PDK1: variants seen among roughly 807,000 people sequenced by gnomAD.
PDK1 encodes the protein pyruvate dehydrogenase kinase 1.
Under a neutral mutation model 54.2 loss-of-function variants are expected in PDK1, and 39 were observed. That is an observed-to-expected ratio of 0.72 (90% confidence interval 0.56 to 0.94). The LOEUF (loss-of-function observed/expected upper bound fraction) is 0.94, where lower values mean the gene tolerates loss of function less well. Ranked by LOEUF, PDK1 falls within the 40% of genes least tolerant of loss-of-function variation. PDK1 has a pLI of 0.00. For synonymous variants in PDK1, 221 were observed against 207.1 expected, an observed-to-expected ratio of 1.07 and a Z score of -0.58; for missense variants, 552 against 566.0, an observed-to-expected ratio of 0.98 and a Z score of 0.25.
chr2:172,712,536 T>G, the PDK1 span, among the ~76,000 whole-genome samples: 1 of 152,088 alleles, frequency 6.6e-6, no homozygotes, highest in African/African-American at 2.4e-5. Context: ...TGCGGTGGGG[T>G]GGGCAGTTCC....
At chr2:172,706,318 T>C in the PDK1 span, among the ~76,000 whole-genome samples, 1 of 152,184 alleles carries the variant, frequency 6.6e-6, no homozygotes, top group Non-Finnish European at 1.5e-5. Flanking sequence ...CTAGTGTGTT[T>C]GTAATTGCTT....
chr2:172,670,061 A>C, the PDK1 span, among the ~76,000 whole-genome samples: 17 of 152,240 alleles, frequency 1.1e-4, no homozygotes, highest in East Asian at 1.4e-3. Context: ...TTTAAAAAAA[A>C]AATTATTTAG....
At chr2:172,713,832 C>A in the PDK1 span, among the ~76,000 whole-genome samples, 1 of 152,196 alleles carries the variant, frequency 6.6e-6, no homozygotes, top group Non-Finnish European at 1.5e-5. Context: ...GTTCCCGGCT[C>A]CCCCGGCTCC....
At chr2:172,719,918 CTTA>C in the PDK1 span, among the ~76,000 whole-genome samples, 1 of 152,116 alleles carries the variant, frequency 6.6e-6, no homozygotes, top group Admixed American at 6.5e-5. Context: ...ATCTTATTGT[CTTA>C]TTATTTTTGA....
At chr2:172,643,578 G>A in the PDK1 span, among the ~76,000 whole-genome samples, 1 of 152,122 alleles carries the variant, frequency 6.6e-6, no homozygotes, top group East Asian at 1.9e-4. Context: ...ATCTTCCTGG[G>A]GACAGGCCAC....
chr2:172,570,787 T>G lies in PDK1; in HGVS notation c.908T>G (p.Val303Gly), dbSNP rs758613186. Reference protein sequence around the residue: ...ANRGVYPPIQVHVTLGNEDLT... With the variant: ...ANRGVYPPIQGHVTLGNEDLT... Reference sequence around the variant, plus strand: ...AGAGGTGTTTACCCCCCTATTCAAGTTCATGTCACGCTGGGTAATGAGGAT... The same window carrying G: ...AGAGGTGTTTACCCCCCTATTCAAGGTCATGTCACGCTGGGTAATGAGGAT... Residue 303 changes from valine to glycine, a missense_variant, in exon 8 of 11, where the codon GTT becomes GGT. Coordinates refer to ENST00000282077, the MANE Select transcript of PDK1 (RefSeq NM_002610.5). 2.5e-6 allele frequency: 4 copies of G among 1,611,614 alleles called. No homozygotes were observed. The highest frequency in any genetic ancestry group is 3.4e-6 in the Non-Finnish European group (4 of 1,177,838).
At chr2:172,680,346 T>C in the PDK1 span, among the ~76,000 whole-genome samples, 1 of 152,056 alleles carries the variant, frequency 6.6e-6, no homozygotes, top group Non-Finnish European at 1.5e-5. Flanking sequence ...CTTTCTTTCT[T>C]TCTTTTCTTT....
At chr2:172,724,120 T>A in the PDK1 span, 1 of 152,238 alleles carries the variant, frequency 6.6e-6, no homozygotes, top group Non-Finnish European at 1.5e-5. Flanking sequence ...AGATTCCTAA[T>A]AAATAATACT....
the PDK1 span, among the ~76,000 whole-genome samples, chr2:172,626,863 A>T: frequency 0.052 from 7,926 of 152,296 alleles, 392 homozygotes; most frequent in East Asian, 0.22. Context: ...ATTTACAGAG[A>T]TTGTTGAAAT....
chr2:172,575,679 A>C (rs1689539120), intron 8 of PDK1, among the ~76,000 whole-genome samples: 1 of 151,986 alleles, frequency 6.6e-6, no homozygotes. Context: ...AAAATTAGCC[A>C]GGCACGGTGG....
At chr2:172,646,090 C>T in the PDK1 span, among the ~76,000 whole-genome samples, 1 of 152,124 alleles carries the variant, frequency 6.6e-6, no homozygotes, top group Non-Finnish European at 1.5e-5. Context: ...GTGTGCACTG[C>T]CCCAACTGGA....
chr2:172,556,549 G>T, intron 1 of PDK1: 2 of 438,744 alleles, frequency 4.6e-6, no homozygotes, highest in Non-Finnish European at 7.9e-6. Context: ...AACGGTGGGC[G>T]TGTGGCTTTG....
chr2:172,724,294 G>T, the PDK1 span: 1 of 115,888 alleles, frequency 8.6e-6, no homozygotes, highest in Admixed American at 7.8e-5. Flanking sequence ...TAATAAAAGT[G>T]AGTCATTTCA....
the PDK1 span, among the ~76,000 whole-genome samples, chr2:172,665,368 T>G: frequency 6.6e-6 from 1 of 152,126 alleles, no homozygotes; most frequent in Non-Finnish European, 1.5e-5. Context: ...GCTCTCTAGG[T>G]TTGCTTTTGT....
the PDK1 span, among the ~76,000 whole-genome samples, chr2:172,674,037 A>G: frequency 6.6e-6 from 1 of 152,260 alleles, no homozygotes; most frequent in Non-Finnish European, 1.5e-5. Context: ...CTCACTATAC[A>G]TGAAATTAAT....
At chr2:172,644,309 A>G in the PDK1 span, among the ~76,000 whole-genome samples, 1 of 152,264 alleles carries the variant, frequency 6.6e-6, no homozygotes, top group Non-Finnish European at 1.5e-5. Context: ...AGGACTGACT[A>G]TGATAACATA....
the PDK1 span, among the ~76,000 whole-genome samples, chr2:172,630,368 G>C: frequency 9.2e-5 from 14 of 152,156 alleles, no homozygotes; most frequent in African/African-American, 3.4e-4. Flanking sequence ...ACTAGCCACA[G>C]ATGGCTATTT....
intron 8 of PDK1, among the ~76,000 whole-genome samples, chr2:172,573,206 C>G (rs1351124268): frequency 6.6e-6 from 1 of 152,158 alleles, no homozygotes; most frequent in Non-Finnish European, 1.5e-5. Flanking sequence ...GCATTGTCAT[C>G]AACAATGTGT....
intron 9 of PDK1, 67 bp from the exon 10 acceptor site, chr2:172,592,868 A>C (rs1574533572): frequency 1.2e-6 from 1 of 832,780 alleles, no homozygotes; most frequent in Admixed American, 1.8e-5. Context: ...AATGGCATCT[A>C]TCTTAATTAG....
Sources: gnomAD v4.1 joint callset for allele counts (sites outside exome capture counted in the v4.1 genomes callset) on GRCh38, gnomAD v4.1.1 for gene constraint, MANE v1.5 for transcripts, NCBI Gene and HGNC (gene_info 2026-07-23, HGNC 2026-07-21) for gene names.